The following ATP8B4 variants were observed in gnomAD, a reference collection of about 807,000 sequenced individuals.
ATP8B4 encodes ATPase phospholipid transporting 8B4 (putative), also known as probable phospholipid-transporting ATPase IM.
In ATP8B4, 133 loss-of-function variants were observed where a neutral mutation model predicts 145.6. The observed-to-expected ratio is 0.91, with a 90% CI of 0.79 to 1.05. The LOEUF (loss-of-function observed/expected upper bound fraction) is 1.05, where lower values mean the gene tolerates loss of function less well. Ranked by LOEUF, ATP8B4 falls within the 50% of genes least tolerant of loss-of-function variation. ATP8B4 has a pLI of 0.00. For synonymous variants in ATP8B4, 507 were observed against 492.9 expected, an observed-to-expected ratio of 1.03 and a Z score of -0.38; for missense variants, 1,458 against 1,425.2, an observed-to-expected ratio of 1.02 and a Z score of -0.37.
intron 14 of ATP8B4, among the ~76,000 whole-genome samples, chr15:49,935,719 T>C (rs2041679181): frequency 6.6e-6 from 1 of 152,154 alleles, no homozygotes; most frequent in South Asian, 2.1e-4. Flanking sequence ...GTAAATTATG[T>C]ACATATATTA....
intron 24 of ATP8B4, 29 bp downstream of exon 24, chr15:49,879,347 T>C: frequency 6.4e-7 from 1 of 1,567,782 alleles, no homozygotes; most frequent in Non-Finnish European, 8.7e-7. Flanking sequence ...AAAGAGAAAC[T>C]AAGTTATAAA....
intron 3 of ATP8B4, among the ~76,000 whole-genome samples, chr15:50,068,226 G>A (rs1283593404): frequency 2.6e-5 from 4 of 152,154 alleles, no homozygotes; most frequent in South Asian, 2.1e-4. Flanking sequence ...TTAAATGGGC[G>A]GGAGGGAAAT....
At chr15:49,888,871 T>C (rs1289906274) in intron 23 of ATP8B4, among the ~76,000 whole-genome samples, 3 of 152,126 alleles carry the variant, frequency 2.0e-5, no homozygotes, top group African/African-American at 7.2e-5. Flanking sequence ...TTGGAGCGTT[T>C]GCCAGCAGAA....
chr15:50,166,100 CTG>C lies in ATP8B4; in HGVS notation c.-43+16159_-43+16160del, dbSNP rs910761850. On this transcript the variant is annotated intron_variant, in intron 1 of 3. Coordinates refer to the ATP8B4 transcript ENST00000558829. ...ATAAGAATTACAGCAGTCTGAAACT[CTG>C]TAAGTCACAAGACAATAGAGTGATA... Among the ~76,000 whole-genome samples the C allele has an allele frequency of 3.9e-5, 6 of 152,174 alleles. No homozygotes were observed. The South Asian group carries it at 6.2e-4, about 16-fold the overall frequency.
intron 1 of ATP8B4, among the ~76,000 whole-genome samples, chr15:50,155,204 C>G (rs2044395777): frequency 6.6e-6 from 1 of 152,036 alleles, no homozygotes; most frequent in Non-Finnish European, 1.5e-5. Context: ...AGCTGTTTCT[C>G]AAATAGTTAT....
intron 10 of ATP8B4, among the ~76,000 whole-genome samples, chr15:49,984,418 G>A (rs540352100): frequency 5.9e-5 from 9 of 152,284 alleles, no homozygotes; most frequent in South Asian, 2.1e-4. Context: ...GCATAGGTGG[G>A]ATTATAGGGG....
At chr15:49,970,926 T>C (rs975131852) in intron 13 of ATP8B4, among the ~76,000 whole-genome samples, 14 of 152,090 alleles carry the variant, frequency 9.2e-5, no homozygotes, top group African/African-American at 3.1e-4. Context: ...AAGAGATATA[T>C]AGACCAACTG....
chr15:50,032,137 T>C (rs1256170258), intron 6 of ATP8B4, among the ~76,000 whole-genome samples: 1 of 152,158 alleles, frequency 6.6e-6, no homozygotes. Flanking sequence ...ATCTAGGTTT[T>C]AAACCCTGCA....
At chr15:50,033,714 C>T (rs1255310214) in intron 6 of ATP8B4, among the ~76,000 whole-genome samples, 1 of 152,144 alleles carries the variant, frequency 6.6e-6, no homozygotes, top group Non-Finnish European at 1.5e-5. Flanking sequence ...TCCTGCTCCC[C>T]TTCTCCTTTC....
At chr15:50,065,829 T>G (rs2053344100) in intron 3 of ATP8B4, among the ~76,000 whole-genome samples, 1 of 152,096 alleles carries the variant, frequency 6.6e-6, no homozygotes, top group African/African-American at 2.4e-5. Flanking sequence ...TTTTTTTAAC[T>G]TAAAATTTAC....
At chr15:49,959,894 A>G (rs1464333387) in intron 14 of ATP8B4, among the ~76,000 whole-genome samples, 2 of 152,234 alleles carry the variant, frequency 1.3e-5, no homozygotes, top group Non-Finnish European at 2.9e-5. Flanking sequence ...AATAAATTTA[A>G]CATCATTCTA....
At chr15:50,176,899 C>T (rs1333497797) in intron 1 of ATP8B4, among the ~76,000 whole-genome samples, 2 of 152,152 alleles carry the variant, frequency 1.3e-5, no homozygotes, top group Admixed American at 1.3e-4. Flanking sequence ...ATCAGTTGTT[C>T]TCAGTCTCAC....
At position 49,920,341 on chromosome 15, in the gene ATP8B4, C is replaced by T. The variant is rs758566412; in HGVS notation, c.1828G>A (p.Glu610Lys). The part of the protein sequence containing the change: ...YRDLDDKYFK[E>K]WHKMLEDANA... Reference sequence around the variant, plus strand: ...GCATCTTCAAGCATCTTATGCCACTCTTTAAAGTACTTGTCATCCAGGTCT... The same window carrying T: ...GCATCTTCAAGCATCTTATGCCACTTTTTAAAGTACTTGTCATCCAGGTCT... The change falls in exon 18 of 28, where the codon GAG (glutamate) becomes AAG (lysine). Residue 610 changes from glutamate to lysine, a missense_variant. Coordinates refer to ENST00000284509, the MANE Select transcript of ATP8B4 (RefSeq NM_024837.4). The T allele has an allele frequency of 6.2e-7, 1 of 1,614,112 alleles. No individual in the cohort carries two copies. The highest frequency in any genetic ancestry group is 8.5e-7 in the Non-Finnish European group (1 of 1,180,050).
At chr15:49,933,475 GA>G (rs563512972) in intron 15 of ATP8B4, among the ~76,000 whole-genome samples, 167 of 152,152 alleles carry the variant, frequency 1.1e-3, no homozygotes, top group Admixed American at 1.9e-3. Flanking sequence ...TATGAACCCT[GA>G]GTTCCAAACA....
intron 3 of ATP8B4, among the ~76,000 whole-genome samples, chr15:50,072,794 G>A (rs1206125565): frequency 6.7e-6 from 1 of 150,286 alleles, no homozygotes; most frequent in African/African-American, 2.4e-5. Flanking sequence ...CCTAACTTTT[G>A]TATTTTTAAT....
At chr15:50,024,298 C>G (rs186899982) in intron 6 of ATP8B4, among the ~76,000 whole-genome samples, 1 of 152,210 alleles carries the variant, frequency 6.6e-6, no homozygotes, top group Non-Finnish European at 1.5e-5. Context: ...AGAAAAAAAC[C>G]TCAGCTCTTC....
chr15:49,966,474 T>C (rs1402312849), intron 13 of ATP8B4, among the ~76,000 whole-genome samples: 4 of 152,104 alleles, frequency 2.6e-5, no homozygotes, highest in Non-Finnish European at 4.4e-5. Context: ...AGTAGGCAGT[T>C]TTCCCCTCAC....
chr15:49,875,143 GT>G (rs1458950799), intron 25 of ATP8B4, among the ~76,000 whole-genome samples: 10 of 152,268 alleles, frequency 6.6e-5, no homozygotes, highest in African/African-American at 2.4e-4. Flanking sequence ...TTTAATGCTT[GT>G]TACATGTCAC....
At chr15:50,140,403 A>G (rs1317666959) in intron 1 of ATP8B4, among the ~76,000 whole-genome samples, 1 of 152,198 alleles carries the variant, frequency 6.6e-6, no homozygotes, top group Non-Finnish European at 1.5e-5. Context: ...CTAATGTGTA[A>G]TGTGTAAGCC....
Sources: gnomAD v4.1 joint callset for allele counts (sites outside exome capture counted in the v4.1 genomes callset) on GRCh38, gnomAD v4.1.1 for gene constraint, MANE v1.5 for transcripts, NCBI Gene and HGNC (gene_info 2026-07-23, HGNC 2026-07-21) for gene names.